ACTN1: variants seen among roughly 807,000 people sequenced by gnomAD.
ACTN1 encodes actinin alpha 1.
Under a neutral mutation model 119.6 loss-of-function variants are expected in ACTN1, and 30 were observed. That is an observed-to-expected ratio of 0.25 (90% CI 0.19 to 0.34). ACTN1 has a LOEUF of 0.34. ACTN1 is among the 10% of genes least tolerant of loss of function. ACTN1 has a pLI of 1.00. For missense variants in ACTN1, 764 were observed against 1,223.4 expected (o/e 0.62, Z 5.60); for synonymous variants, 429 against 472.6 (o/e 0.91, Z 1.20).
rs1222687188 is a variant in ACTN1 at position 68,914,862 on chromosome 14, A to G, written c.341-2620T>C. 2.0e-5 allele frequency among the ~76,000 whole-genome samples: 3 copies of G among 152,230 alleles called. No individual in the cohort carries two copies. The East Asian group carries it at 5.8e-4, about 29-fold the overall frequency. On this transcript the variant is annotated intron_variant, in intron 3 of 21. Transcript: ENST00000394419. The stretch of plus-strand genomic sequence containing the variant: ...GCAAGGCCACCACACTAGAAGTGTA[A>G]ATTGGTTTAAAAAACAATAATAATA...
intron 1 of ACTN1, among the ~76,000 whole-genome samples, chr14:68,933,364 G>C (rs1370435679): frequency 6.6e-5 from 10 of 152,036 alleles, no homozygotes; most frequent in Non-Finnish European, 1.5e-5. Flanking sequence ...TCAAACTCCT[G>C]ACCTCAAGTG....
At chr14:68,975,008 G>A (rs981372105) in intron 1 of ACTN1, among the ~76,000 whole-genome samples, 1 of 152,170 alleles carries the variant, frequency 6.6e-6, no homozygotes, top group East Asian at 1.9e-4. Context: ...TGCCTTCCTC[G>A]AGAAGATGAA....
intron 1 of ACTN1, among the ~76,000 whole-genome samples, chr14:68,945,897 A>G (rs536924892): frequency 3.3e-5 from 5 of 152,264 alleles, no homozygotes; most frequent in African/African-American, 9.6e-5. Context: ...CTCCCAACCC[A>G]CTGCCCCAAG....
At position 68,880,758 on chromosome 14, in the gene ACTN1, G is replaced by C; in HGVS notation, c.2133+52C>G. 4.4e-6 allele frequency: 7 copies of C among 1,586,700 alleles called. No homozygotes were observed. Among genetic ancestry groups the C allele is most frequent in the South Asian group, 1.1e-5 (1 of 89,018 alleles). Reference sequence around the variant, plus strand: ...TGGAGACTTCCCCACCCAGGAGAAAGAGCAGAAGGGGCCACGGGCTCCCGA... The same window carrying C: ...TGGAGACTTCCCCACCCAGGAGAAACAGCAGAAGGGGCCACGGGCTCCCGA... On this transcript the variant is annotated intron_variant, in intron 17 of 21. Coordinates refer to ENST00000394419, the MANE Select transcript of ACTN1 (RefSeq NM_001130004.2). This position sits in a 1 kb window ranked among gnomAD's most constrained non-coding sequence, Gnocchi z 4.6.
Position 68,892,038 on chromosome 14 carries a change from A to AC in ACTN1, c.1086+14dup. 1 of 1,611,238 alleles carries AC rather than the reference A, an allele frequency of 6.2e-7. No individual in the cohort carries two copies. ...CAGTCCAGTCTGGGGGCCCAGGCTC[A>AC]CCCCCAGTGCTCACCGAGACCATCC... On this transcript the variant is annotated intron_variant, in intron 10 of 21. Coordinates refer to ENST00000394419, the MANE Select transcript of ACTN1 (RefSeq NM_001130004.2).
At chr14:68,951,676 TG>T (rs2036175072) in intron 1 of ACTN1, among the ~76,000 whole-genome samples, 1 of 152,170 alleles carries the variant, frequency 6.6e-6, no homozygotes, top group Non-Finnish European at 1.5e-5. Flanking sequence ...GGTGATGGGC[TG>T]GGACTGAGGA....
In ACTN1 at chr14:68,908,098, T is replaced by C. The variant is rs548401316; in HGVS notation, c.594+1220A>G. On this transcript the variant is annotated intron_variant, in intron 6 of 21. Coordinates refer to ENST00000394419, the MANE Select transcript of ACTN1 (RefSeq NM_001130004.2). ...GGTTAGCTGGCGAAGGGCTGGCCCC[T>C]GCTGTGGCTCCTCTCCTTCAGCAGA... 2.2e-4 allele frequency among the ~76,000 whole-genome samples: 33 copies of C among 147,964 alleles called. No individual in the cohort carries two copies. In the East Asian group the frequency reaches 6.5e-3, roughly 29 times the overall value.
At chr14:68,875,231 C>G in intron 21 of ACTN1, 1 of 1,329,634 alleles carries the variant, frequency 7.5e-7, no homozygotes, top group Admixed American at 2.5e-5. Context: ...AGGTTTTCCA[C>G]TTCAGTACCT....
rs937362483 is a variant in ACTN1, at chr14:68,874,666, CT to C, written c.*192del. On this transcript the variant is annotated 3_prime_UTR_variant, in exon 22 of 22. Transcript: ENST00000394419. Reference sequence around the variant, plus strand: ...TGTAGTTTTTTGGTTTTTAACGTAACTTTTTTTTCTTTTTTGCAGAAAATAA... The same window carrying C: ...TGTAGTTTTTTGGTTTTTAACGTAACTTTTTTTCTTTTTTGCAGAAAATAA... 6 of 469,962 alleles carry C rather than the reference CT, an allele frequency of 1.3e-5. No individual in the cohort carries two copies. Among genetic ancestry groups the C allele is most frequent in the Non-Finnish European group, 1.4e-5 (4 of 291,214 alleles). 29.1% of individuals were successfully genotyped at this position (469,962 alleles called of 1,614,324 possible). A position where few individuals can be genotyped will look rare whatever the true frequency, so the allele number is the denominator to read the frequency against.
intron 8 of ACTN1, among the ~76,000 whole-genome samples, chr14:68,899,753 G>C (rs543264383): frequency 1.3e-3 from 192 of 152,346 alleles, no homozygotes; most frequent in African/African-American, 4.4e-3. Context: ...TGAAGCCCGG[G>C]ACAGACCCCT....
At chr14:68,891,093 T>C (rs1302473725) in intron 10 of ACTN1, among the ~76,000 whole-genome samples, 2 of 152,208 alleles carry the variant, frequency 1.3e-5, no homozygotes, top group South Asian at 2.1e-4. Flanking sequence ...CCACTTGCAA[T>C]GTATTCTCCC....
intron 1 of ACTN1, among the ~76,000 whole-genome samples, chr14:68,937,365 G>A (rs1379692780): frequency 2.0e-5 from 3 of 152,014 alleles, no homozygotes; most frequent in Non-Finnish European, 4.4e-5. Flanking sequence ...ACAAGGCTCA[G>A]GTATTATGGA....
intron 11 of ACTN1, chr14:68,888,252 A>G: frequency 2.8e-6 from 1 of 360,504 alleles, no homozygotes. Context: ...AATTGGTAGA[A>G]CTGAATACAT....
In ACTN1 at chr14:68,892,281, C is replaced by G. The variant is rs1416573057; in HGVS notation, c.858G>C (p.Leu286=). The part of the protein sequence containing the change: ...MEDYEKLASD[L]LEWIRRTIPW... ...GGATTGTGCGGCGGATCCACTCCAA[C>G]AGCTAGGGTGGGAAGGCGGTGGGGG... The change falls in exon 10 of 22, where the codon CTG becomes CTC. Residue 286 remains leucine (L), a splice_region_variant and synonymous_variant. Coordinates refer to ENST00000394419, the MANE Select transcript of ACTN1 (RefSeq NM_001130004.2). The G allele has an allele frequency of 1.2e-6, 2 of 1,610,792 alleles. No homozygotes were observed. The highest frequency in any genetic ancestry group is 2.7e-5 in the African/African-American group (2 of 74,880).
rs1250734301 is a variant in ACTN1, at chr14:68,909,891, G to A, written c.515+64C>T. 11 of 1,411,862 alleles carry A rather than the reference G, an allele frequency of 7.8e-6. No homozygotes were observed. The African/African-American group carries it at 1.1e-4, about 15-fold the overall frequency. The allele number at this position is 1,411,862 out of a possible 1,614,324, so 87.5% of individuals were successfully genotyped here. A position where few individuals can be genotyped will look rare whatever the true frequency, so the allele number is the denominator to read the frequency against. ...AAGCTGAGACTGACCCAGCCAAGGGGGTCTGGGAGCTCCCGGGGGAGGCAG... is the reference window on the plus strand; with the variant it reads ...AAGCTGAGACTGACCCAGCCAAGGGAGTCTGGGAGCTCCCGGGGGAGGCAG... On this transcript the variant is annotated intron_variant, in intron 5 of 21. Coordinates refer to ENST00000394419, the MANE Select transcript of ACTN1 (RefSeq NM_001130004.2). The surrounding 1 kb of genome is among the most constrained non-coding windows in gnomAD (Gnocchi z 4.1).
At position 68,880,751 on chromosome 14, in the gene ACTN1, G is replaced by A. The variant is rs1401410136; in HGVS notation, c.2133+59C>T. The A allele has an allele frequency of 4.5e-6, 7 of 1,567,058 alleles. No individual in the cohort carries two copies. The East Asian group carries it at 1.1e-4, about 25-fold the overall frequency. ...GTTCCCTTGGAGACTTCCCCACCCAGGAGAAAGAGCAGAAGGGGCCACGGG... is the reference window on the plus strand; with the variant it reads ...GTTCCCTTGGAGACTTCCCCACCCAAGAGAAAGAGCAGAAGGGGCCACGGG... On this transcript the variant is annotated intron_variant, in intron 17 of 21. Transcript: ENST00000394419. This position sits in a 1 kb window ranked among gnomAD's most constrained non-coding sequence, Gnocchi z 4.6.
Position 68,882,807 on chromosome 14 carries a change from T to C in ACTN1, c.1818+66A>G. On this transcript the variant is annotated intron_variant, in intron 15 of 21. Transcript: ENST00000394419. The surrounding 1 kb of genome is among the most constrained non-coding windows in gnomAD (Gnocchi z 4.5). ...TTAAATGAAATTGACAAAAATCAAT[T>C]AAAATGGACAAAAATCCCTGCCTTT... 8 of 1,576,874 alleles carry C rather than the reference T, an allele frequency of 5.1e-6. No homozygotes were observed. Among genetic ancestry groups the C allele is most frequent in the Non-Finnish European group, 6.9e-6 (8 of 1,154,428 alleles).
chr14:68,929,035 G>C (rs2331837), intron 1 of ACTN1, among the ~76,000 whole-genome samples: 4,352 of 26,020 alleles, frequency 0.17, 2 homozygotes, highest in East Asian at 0.41. Flanking sequence ...AACTGTGGCG[G>C]GTTCGTGGGA....
chr14:68,912,050 T>C (rs1366356798), intron 4 of ACTN1, 106 bp downstream of exon 4: 8 of 943,644 alleles, frequency 8.5e-6, no homozygotes, highest in Middle Eastern at 2.2e-4. Context: ...GCCCAGGACA[T>C]GGCCCCTGAT....
Sources: gnomAD v4.1 joint callset for allele counts (sites outside exome capture counted in the v4.1 genomes callset) on GRCh38, gnomAD v4.1.1 for gene constraint, Gnocchi (gnomAD v3.1) non-coding constraint, MANE v1.5 for transcripts, NCBI Gene and HGNC (gene_info 2026-07-23, HGNC 2026-07-21) for gene names.